Variants in DIP2B observed in about 807,000 individuals in gnomAD.
The protein encoded by DIP2B is DIP2 acetate--CoA ligase B (putative).
Under a neutral mutation model 198.0 loss-of-function variants are expected in DIP2B, and 76 were observed. The observed-to-expected ratio is 0.38, with a 90% CI of 0.32 to 0.46. The LOEUF (loss-of-function observed/expected upper bound fraction) is 0.46, where lower values mean the gene tolerates loss of function less well. Among genes scored for constraint, DIP2B ranks in the 20% least tolerant of loss-of-function variants. The pLI is 0.99. For synonymous variants in DIP2B, 701 were observed against 739.1 expected, an observed-to-expected ratio of 0.95 and a Z score of 0.84; for missense variants, 1,559 against 1,978.4, an observed-to-expected ratio of 0.79 and a Z score of 4.02.
intron 1 of DIP2B, among the ~76,000 whole-genome samples, chr12:50,584,656 C>T (rs1321224485): frequency 1.3e-5 from 2 of 152,086 alleles, no homozygotes; most frequent in South Asian, 2.1e-4. Flanking sequence ...CTCTGCTTCC[C>T]GGGTTCAAGC....
intron 3 of DIP2B, among the ~76,000 whole-genome samples, chr12:50,659,839 G>A (rs895641784): frequency 3.9e-5 from 6 of 151,960 alleles, no homozygotes; most frequent in South Asian, 2.1e-4. Flanking sequence ...CCTGCACAGC[G>A]CTCATTCCAT....
In DIP2B at chr12:50,685,957, G is replaced by A; in HGVS notation, c.1441+1G>A. Reference sequence around the variant, plus strand: ...AATGGAGAAATTGTACAGTTTAAAGGTTAGTAACATTGTACCTGAATTATC... The same window carrying A: ...AATGGAGAAATTGTACAGTTTAAAGATTAGTAACATTGTACCTGAATTATC... On this transcript the variant is annotated splice_donor_variant, in intron 11 of 37. Transcript: ENST00000301180. LOFTEE classifies it high-confidence loss of function. The A allele has an allele frequency of 6.2e-7, 1 of 1,610,376 alleles. No homozygotes were observed. The highest frequency in any genetic ancestry group is 8.5e-7 in the Non-Finnish European group (1 of 1,178,764).
intron 26 of DIP2B, among the ~76,000 whole-genome samples, chr12:50,721,864 TAAAAG>T (rs1253487255): frequency 6.6e-6 from 1 of 151,774 alleles, no homozygotes; most frequent in Non-Finnish European, 1.5e-5. Flanking sequence ...ACTAGGAAAA[TAAAAG>T]AATGGAGAAA....
chr12:50,675,257 C>T (rs2139528385), intron 6 of DIP2B, 72 bp from the exon 7 acceptor site: 1 of 1,560,360 alleles, frequency 6.4e-7, no homozygotes, highest in South Asian at 1.2e-5. Flanking sequence ...AATAAAAGCT[C>T]CTGAGGGAAC....
chr12:50,717,159 G>T (rs1227495975), intron 23 of DIP2B, among the ~76,000 whole-genome samples: 1 of 151,120 alleles, frequency 6.6e-6, no homozygotes. Context: ...TGGCCAGGCT[G>T]GTGTCAAACT....
At chr12:50,572,804 C>T (rs1187329707) in intron 1 of DIP2B, among the ~76,000 whole-genome samples, 1 of 152,162 alleles carries the variant, frequency 6.6e-6, no homozygotes, top group East Asian at 1.9e-4. Context: ...CTCAGTGCCT[C>T]CTTCCATAAA....
intron 7 of DIP2B, among the ~76,000 whole-genome samples, chr12:50,678,238 A>G (rs770808134): frequency 6.6e-6 from 1 of 151,956 alleles, no homozygotes; most frequent in Non-Finnish European, 1.5e-5. Context: ...AATTGGCCTA[A>G]GGTAATACTA....
chr12:50,611,340 C>T (rs1959030178), intron 1 of DIP2B, among the ~76,000 whole-genome samples: 1 of 152,162 alleles, frequency 6.6e-6, no homozygotes, highest in Admixed American at 6.5e-5. Flanking sequence ...GGACAGCTTT[C>T]TGTTACAAAT....
intron 4 of DIP2B, among the ~76,000 whole-genome samples, chr12:50,665,199 C>T (rs1321070813): frequency 6.6e-6 from 1 of 152,062 alleles, no homozygotes; most frequent in Non-Finnish European, 1.5e-5. Context: ...ATCCTTTTAA[C>T]CTACTTTAAT....
intron 1 of DIP2B, among the ~76,000 whole-genome samples, chr12:50,551,146 G>A (rs1195549979): frequency 2.0e-5 from 3 of 151,604 alleles, no homozygotes; most frequent in East Asian, 3.9e-4. Context: ...ATTTGAGGCC[G>A]GGCGTGGTGG....
At chr12:50,737,854 C>T (rs562114452) in intron 35 of DIP2B, among the ~76,000 whole-genome samples, 2 of 152,226 alleles carry the variant, frequency 1.3e-5, no homozygotes, top group South Asian at 2.1e-4. Context: ...TCCCAAAATA[C>T]TAGGATTACA....
chr12:50,689,989 G>A (rs747876340), intron 12 of DIP2B, among the ~76,000 whole-genome samples: 1 of 152,046 alleles, frequency 6.6e-6, no homozygotes, highest in Non-Finnish European at 1.5e-5. Flanking sequence ...TGGTCCTAAG[G>A]TAGTTAATTA....
At chr12:50,635,797 T>G (rs953790741) in intron 2 of DIP2B, among the ~76,000 whole-genome samples, 5 of 152,224 alleles carry the variant, frequency 3.3e-5, no homozygotes, top group African/African-American at 4.8e-5. Flanking sequence ...ATACAACTTA[T>G]ATGAATTGGA....
intron 1 of DIP2B, among the ~76,000 whole-genome samples, chr12:50,622,051 C>G (rs1937825194): frequency 6.6e-6 from 1 of 152,172 alleles, no homozygotes; most frequent in Admixed American, 6.5e-5. Context: ...TTTTAAAGGC[C>G]TTTCACTTTG....
chr12:50,637,964 A>C (rs190570053), intron 2 of DIP2B, among the ~76,000 whole-genome samples: 78 of 152,352 alleles, frequency 5.1e-4, no homozygotes, highest in African/African-American at 1.7e-3. Context: ...ACAATAACTT[A>C]CATACATATT....
intron 3 of DIP2B, among the ~76,000 whole-genome samples, chr12:50,652,913 G>T (rs1337316664): frequency 6.7e-6 from 1 of 149,640 alleles, no homozygotes; most frequent in Non-Finnish European, 1.5e-5. Flanking sequence ...TTCTTTTCAG[G>T]TAATTCATTG....
intron 1 of DIP2B, among the ~76,000 whole-genome samples, chr12:50,565,576 A>G (rs1958556939): frequency 6.6e-6 from 1 of 152,036 alleles, no homozygotes; most frequent in Admixed American, 6.6e-5. Flanking sequence ...CCATATTTCC[A>G]TGGCATTCTA....
chr12:50,744,851 G>A lies in DIP2B; in HGVS notation c.*12G>A, dbSNP rs1415774949. 3.7e-6 allele frequency: 6 copies of A among 1,613,058 alleles called. No homozygotes were observed. The highest frequency in any genetic ancestry group is 1.7e-5 in the Admixed American group (1 of 59,976). ...CTTATAACATGTAACCAGCCTTGTG[G>A]GGACTGCAGTGGGCCATTCTGAAGA... On this transcript the variant is annotated 3_prime_UTR_variant, in exon 38 of 38. Coordinates refer to ENST00000301180, the MANE Select transcript of DIP2B (RefSeq NM_173602.3).
rs73119123 is a variant in DIP2B, at chr12:50,577,866, T to G, written c.101-48110T>G. 1.2e-3 allele frequency among the ~76,000 whole-genome samples: 177 copies of G among 152,174 alleles called. 1 individual carries two copies. The highest frequency in any genetic ancestry group is 2.1e-3 in the South Asian group (10 of 4,818). ...AGTCAGGAGTACAGCATTTTAATAGTCTTATCAGATAACTGTGGTTATTCT... is the reference window on the plus strand; with the variant it reads ...AGTCAGGAGTACAGCATTTTAATAGGCTTATCAGATAACTGTGGTTATTCT... On this transcript the variant is annotated intron_variant, in intron 1 of 37. Transcript: ENST00000301180.
Sources: gnomAD v4.1 joint callset for allele counts (sites outside exome capture counted in the v4.1 genomes callset) on GRCh38, gnomAD v4.1.1 for gene constraint, MANE v1.5 for transcripts, NCBI Gene and HGNC (gene_info 2026-07-23, HGNC 2026-07-21) for gene names.